The following RYR3 variants were observed in gnomAD, a reference collection of about 807,000 sequenced individuals.
RYR3 encodes the protein brain ryanodine receptor-calcium release channel.
In RYR3, 207 loss-of-function variants were observed where a neutral mutation model predicts 584.3. That is an observed-to-expected ratio of 0.35 (90% CI 0.32 to 0.40). The LOEUF is 0.40. RYR3 is among the 10% of genes least tolerant of loss of function. The probability of loss-of-function intolerance (pLI) is 1.00; values close to 1 mark genes in which losing one functional copy is unlikely to be tolerated. For synonymous variants in RYR3, 2,416 were observed against 2,248.5 expected (o/e 1.07, Z -2.11); for missense variants, 5,616 against 6,089.2 (o/e 0.92, Z 2.59).
chr15:33,626,868 G>A (rs2061016846), intron 20 of RYR3, among the ~76,000 whole-genome samples: 1 of 152,140 alleles, frequency 6.6e-6, no homozygotes, highest in African/African-American at 2.4e-5. Flanking sequence ...AGATTTCAGA[G>A]GATGTATGGA....
intron 40 of RYR3, among the ~76,000 whole-genome samples, chr15:33,699,289 TCC>T (rs1390983451): frequency 8.8e-6 from 1 of 113,956 alleles, no homozygotes; most frequent in Non-Finnish European, 1.7e-5. Context: ...CCTCACTCTC[TCC>T]TCTTTCTCTC....
chr15:33,769,356 C>T (rs1377689728), intron 62 of RYR3, among the ~76,000 whole-genome samples, 184 bp downstream of exon 62: 1 of 152,190 alleles, frequency 6.6e-6, no homozygotes, highest in Admixed American at 6.5e-5. Context: ...AGAGCCACTG[C>T]CATGGCATAG....
intron 33 of RYR3, 86 bp downstream of exon 33, chr15:33,659,892 G>A (rs1333603285): frequency 2.2e-6 from 2 of 926,742 alleles, no homozygotes; most frequent in Admixed American, 2.0e-5. Flanking sequence ...CTCAGAAGAT[G>A]GGAGAAGCCT....
At chr15:33,476,025 ATAC>A (rs1329338618) in intron 2 of RYR3, among the ~76,000 whole-genome samples, 2 of 152,226 alleles carry the variant, frequency 1.3e-5, no homozygotes, top group African/African-American at 4.8e-5. Flanking sequence ...GTTGATAATA[ATAC>A]TAAGTATAAA....
At chr15:33,595,546 A>G (rs2059330448) in intron 16 of RYR3, among the ~76,000 whole-genome samples, 1 of 152,160 alleles carries the variant, frequency 6.6e-6, no homozygotes, top group South Asian at 2.1e-4. Flanking sequence ...CAATCTTATA[A>G]TCTTACACAC....
At chr15:33,522,938 GATGTTTACAAT>G (rs1389584035) in intron 3 of RYR3, among the ~76,000 whole-genome samples, 1 of 152,142 alleles carries the variant, frequency 6.6e-6, no homozygotes, top group Non-Finnish European at 1.5e-5. Flanking sequence ...CGTGTTACCA[GATGTTTACAAT>G]TCAAGGCCTG....
At chr15:33,786,985 T>C (rs1488925746) in intron 66 of RYR3, among the ~76,000 whole-genome samples, 1 of 152,154 alleles carries the variant, frequency 6.6e-6, no homozygotes, top group Admixed American at 6.5e-5. Context: ...AACCATAAGG[T>C]AATTTTTCAA....
intron 2 of RYR3, among the ~76,000 whole-genome samples, chr15:33,494,249 C>G (rs2051226725): frequency 6.6e-6 from 1 of 152,178 alleles, no homozygotes; most frequent in African/African-American, 2.4e-5. Flanking sequence ...AAGCGTTTTT[C>G]TTAAGTAAAT....
At chr15:33,835,146 T>C (rs2077958017) in intron 87 of RYR3, 74 bp downstream of exon 87, 1 of 1,146,456 alleles carries the variant, frequency 8.7e-7, no homozygotes, top group Non-Finnish European at 1.3e-6. Flanking sequence ...GGTGTTCCCA[T>C]TGTGATGTGG....
chr15:33,750,273 A>G lies in RYR3; in HGVS notation c.8386A>G (p.Ile2796Val). 6.2e-7 allele frequency: 1 copy of G among 1,611,012 alleles called. No homozygotes were observed. The highest frequency in any genetic ancestry group is 8.5e-7 in the Non-Finnish European group (1 of 1,178,590). ...GTTTAAGTTCCTCCAAGTGAATGGC[A>G]TCATAGTTTCCAGGTAAGTCACCTT... ...DLFKFLQVNGIIVSRGMKDME... is the reference protein window; with the variant it reads ...DLFKFLQVNGVIVSRGMKDME... The change falls in exon 57 of 104, where the codon ATC becomes GTC. Residue 2796 changes from isoleucine to valine, a missense_variant. By Grantham distance (29) the Ile-to-Val change is conservative (BLOSUM62 3). Transcript: ENST00000634891.
rs769938343 is a variant in RYR3 at position 33,697,955 on chromosome 15, A to G, written c.6208A>G (p.Met2070Val). ...MRVLGMHETV[M>V]EVMVNVLGTE... is the part of the protein sequence containing the mutation. ...AGTCCTGGGCATGCACGAGACGGTG[A>G]TGGAGGTGATGGTGAACGTGTTGGG... The change falls in exon 40 of 104, where the codon ATG becomes GTG. Residue 2070 changes from methionine to valine, a missense_variant. By Grantham distance (21) the Met-to-Val change is conservative (BLOSUM62 1). Around this residue, in one of 9 missense-constraint regions of RYR3, gnomAD observed 1,280 missense variants for 1,426.2 expected, o/e 0.90. Transcript: ENST00000634891. 6.1e-5 allele frequency: 98 copies of G among 1,613,664 alleles called. No individual in the cohort carries two copies. The South Asian group carries it at 7.5e-4, about 12-fold the overall frequency.
At chr15:33,733,988 TA>T (rs2069183007) in intron 48 of RYR3, among the ~76,000 whole-genome samples, 1 of 152,234 alleles carries the variant, frequency 6.6e-6, no homozygotes, top group Non-Finnish European at 1.5e-5. Context: ...TCACTATGTT[TA>T]AAATGCTTTT....
At chr15:33,533,233 C>A in intron 4 of RYR3, 78 bp from the exon 5 acceptor site, 1 of 969,604 alleles carries the variant, frequency 1.0e-6, no homozygotes, top group Non-Finnish European at 1.6e-6. Flanking sequence ...TTGAACTTAA[C>A]TAGAAGCTAA....
At chr15:33,591,047 C>T (rs1384886153) in intron 16 of RYR3, among the ~76,000 whole-genome samples, 3 of 152,050 alleles carry the variant, frequency 2.0e-5, no homozygotes, top group East Asian at 1.9e-4. Flanking sequence ...GTTGCAGTGC[C>T]CACTCCATAT....
Position 33,825,613 on chromosome 15 carries a change from T to C in RYR3, c.11083T>C (p.Leu3695=). The change falls in exon 82 of 104, where the codon TTG becomes CTG. Residue 3695 remains leucine, a synonymous_variant. Transcript: ENST00000634891. Reference sequence around the variant, plus strand: ...TCTGTCTATTAAAAGTGTCCTTGATTTGAATGCATTTGAGAGGCAGAATAA... The same window carrying C: ...TCTGTCTATTAAAAGTGTCCTTGATCTGAATGCATTTGAGAGGCAGAATAA... The part of the protein sequence containing the change: ...GLMQSCSVLD[L]NAFERQNKAE... 6.2e-7 allele frequency: 1 copy of C among 1,611,834 alleles called. No individual in the cohort carries two copies. Among genetic ancestry groups the C allele is most frequent in the Non-Finnish European group, 8.5e-7 (1 of 1,178,278 alleles).
chr15:33,602,982 C>G (rs1036012136), intron 17 of RYR3, 141 bp from the exon 18 acceptor site: 2 of 866,120 alleles, frequency 2.3e-6, no homozygotes, highest in African/African-American at 3.4e-5. Context: ...AGAGATCCCT[C>G]CCATCTTTTG....
chr15:33,722,027 A>C (rs2067970692), intron 43 of RYR3, among the ~76,000 whole-genome samples: 1 of 152,236 alleles, frequency 6.6e-6, no homozygotes, highest in Non-Finnish European at 1.5e-5. Flanking sequence ...TCATCTGGAT[A>C]CATGATTCCA....
At chr15:33,596,000 A>AT (rs1357431173) in intron 16 of RYR3, among the ~76,000 whole-genome samples, 3 of 151,506 alleles carry the variant, frequency 2.0e-5, no homozygotes, top group Non-Finnish European at 4.4e-5. Context: ...AAAATCAGTG[A>AT]TTTTATTTTA....
At chr15:33,826,322 C>G in intron 83 of RYR3, 53 bp downstream of exon 83, 1 of 1,575,842 alleles carries the variant, frequency 6.3e-7, no homozygotes, top group South Asian at 1.1e-5. Context: ...CCTAGGAGAT[C>G]TCATTTAATT....
Sources: allele counts gnomAD v4.1 joint callset (sites outside exome capture counted in the v4.1 genomes callset), GRCh38; gene constraint gnomAD v4.1.1; regional missense constraint gnomAD v4.1.1; transcripts MANE v1.5; gene names NCBI Gene and HGNC (gene_info 2026-07-23, HGNC 2026-07-21).